ZDHHC24: variants seen among roughly 807,000 people sequenced by gnomAD.
ZDHHC24 encodes the protein probable palmitoyltransferase ZDHHC24.
Under a neutral mutation model 23.2 loss-of-function variants are expected in ZDHHC24, and 17 were observed. The observed-to-expected ratio is 0.73, with a 90% CI of 0.50 to 1.10. The LOEUF (loss-of-function observed/expected upper bound fraction) is 1.10. Ranked by LOEUF, ZDHHC24 falls within the 50% of genes least tolerant of loss-of-function variation. The pLI is 0.00. For missense variants in ZDHHC24, 366 were observed against 393.0 expected (o/e 0.93, Z 0.58); for synonymous variants, 186 against 194.5 (o/e 0.96, Z 0.36).
At chr11:66,522,220 AAAAAG>A (rs1413908742) in intron 4 of ZDHHC24, among the ~76,000 whole-genome samples, 1 of 152,128 alleles carries the variant, frequency 6.6e-6, no homozygotes, top group Non-Finnish European at 1.5e-5. Context: ...TGTCTCAAAA[AAAAAG>A]AAAAGGAAAC....
chr11:66,542,984 A>T (rs1254668404), intron 2 of ZDHHC24, among the ~76,000 whole-genome samples: 2 of 152,032 alleles, frequency 1.3e-5, no homozygotes, highest in Non-Finnish European at 2.9e-5. Context: ...CACAGTGACT[A>T]CCCGGAGTAG....
Position 66,536,334 on chromosome 11 carries a change from A to T in ZDHHC24, c.*3195T>A, listed in dbSNP as rs965589297. ...CACTTTGGGAGGCCAAGGTGGGCAGATCACCTGAGGTCAGCAGTTCAAGAC... is the reference window on the plus strand; with the variant it reads ...CACTTTGGGAGGCCAAGGTGGGCAGTTCACCTGAGGTCAGCAGTTCAAGAC... On this transcript the variant is annotated 3_prime_UTR_variant, in exon 3 of 3. Coordinates refer to ENST00000310442, the MANE Select transcript of ZDHHC24 (RefSeq NM_207340.3). The T allele has an allele frequency of 1.3e-5, 2 of 152,446 alleles. No homozygotes were observed. The highest frequency in any genetic ancestry group is 4.8e-5 in the African/African-American group (2 of 41,448). 9.4% of individuals were successfully genotyped at this position (152,446 alleles called of 1,614,324 possible).
rs1398027231 is a variant in ZDHHC24, at chr11:66,542,088, T to C, written c.559+1616A>G. ...GGGCAGTCAGCTGGGCTCGGGGAGT[T>C]GAGGACAGCACAATTTGGGATGTGC... On this transcript the variant is annotated intron_variant, in intron 2 of 2. Transcript: ENST00000310442. Among the ~76,000 whole-genome samples the C allele has an allele frequency of 4.6e-5, 7 of 151,922 alleles. No individual in the cohort carries two copies. In the South Asian group the frequency reaches 1.3e-3, roughly 27 times the overall value.
At chr11:66,521,904 CAAAA>C (rs1183524219) in intron 4 of ZDHHC24, among the ~76,000 whole-genome samples, 6 of 36,494 alleles carry the variant, frequency 1.6e-4, no homozygotes, top group South Asian at 1.1e-3. Context: ...GACTCCGTCT[CAAAA>C]AAAAAAAAAA....
At position 66,538,722 on chromosome 11, in the gene ZDHHC24, T is replaced by G. The variant is rs756895314; in HGVS notation, c.*807A>C. 3 of 152,264 alleles carry G rather than the reference T, an allele frequency of 2.0e-5. No homozygotes were observed. The highest frequency in any genetic ancestry group is 4.4e-5 in the Non-Finnish European group (3 of 68,058). 9.4% of individuals were successfully genotyped at this position (152,264 alleles called of 1,614,324 possible). A position where few individuals can be genotyped will look rare whatever the true frequency, so the allele number is the denominator to read the frequency against. On this transcript the variant is annotated 3_prime_UTR_variant, in exon 3 of 3. Transcript: ENST00000310442. ...AATGGCGGTCTCTATTCATTCTATT[T>G]ACACGGAAACATTTAACAAGCAGCT... is the stretch of plus-strand genomic sequence containing the variant.
chr11:66,522,965 A>G (rs1856307204), intron 4 of ZDHHC24: 1 of 359,630 alleles, frequency 2.8e-6, no homozygotes, highest in Admixed American at 3.8e-5. Flanking sequence ...TCAAAGTGGG[A>G]AAGACATTGG....
chr11:66,539,851 G>A (rs765922134), intron 2 of ZDHHC24, 27 bp from the exon 3 acceptor site: 2 of 1,548,600 alleles, frequency 1.3e-6, no homozygotes, highest in Admixed American at 1.9e-5. Flanking sequence ...GAGAGGGTCA[G>A]GGAGGGGCAG....
rs587777830 is a variant in ZDHHC24 at position 66,523,475 on chromosome 11, TA to T, written c.*22-2010del. 2.5e-6 allele frequency: 4 copies of T among 1,614,058 alleles called. No individual in the cohort carries two copies. Among genetic ancestry groups the T allele is most frequent in the Non-Finnish European group, 3.4e-6 (4 of 1,179,994 alleles). On this transcript the variant is annotated intron_variant, in intron 4 of 4. Coordinates refer to the ZDHHC24 transcript ENST00000526986. ...CCACAGAGACTCCAAGCACCCCAAGTACTGCATCGAGCTGAGCGCCCAGCCT... is the reference window on the plus strand; with the variant it reads ...CCACAGAGACTCCAAGCACCCCAAGTCTGCATCGAGCTGAGCGCCCAGCCT...
chr11:66,527,097 C>A, intron 3 of ZDHHC24: 1 of 1,389,866 alleles, frequency 7.2e-7, no homozygotes, highest in Non-Finnish European at 9.8e-7. Context: ...AGAATTTTGA[C>A]TGGGCATGGT....
In ZDHHC24 at chr11:66,545,700, GC is replaced by G; in HGVS notation, c.281+22del. On this transcript the variant is annotated intron_variant, in intron 1 of 2. Transcript: ENST00000310442. The surrounding 1 kb of genome is among the most constrained non-coding windows in gnomAD (Gnocchi z 4.5). Reference sequence around the variant, plus strand: ...CTGTCCAAGGCTCCCACTTCTCCCCGCCCGATCCCGCACCCCACTCACGCCC... The same window carrying G: ...CTGTCCAAGGCTCCCACTTCTCCCCGCCGATCCCGCACCCCACTCACGCCC... The G allele has an allele frequency of 6.7e-7, 1 of 1,488,228 alleles. No individual in the cohort carries two copies. Among genetic ancestry groups the G allele is most frequent in the Non-Finnish European group, 8.9e-7 (1 of 1,123,924 alleles). The allele number at this position is 1,488,228 out of a possible 1,614,324, so 92.2% of individuals were successfully genotyped here.
At chr11:66,539,999 C>A (rs1857103478) in intron 2 of ZDHHC24, among the ~76,000 whole-genome samples, 175 bp from the exon 3 acceptor site, 1 of 152,224 alleles carries the variant, frequency 6.6e-6, no homozygotes, top group African/African-American at 2.4e-5. Flanking sequence ...TGGGCAGACG[C>A]AGCCCCCTAC....
At chr11:66,521,556 AG>A (rs1340848028) in intron 4 of ZDHHC24, 1 of 657,156 alleles carries the variant, frequency 1.5e-6, no homozygotes, top group Non-Finnish European at 2.7e-6. Flanking sequence ...CTTGTGAGAT[AG>A]GGGCTGGCAC....
chr11:66,531,927 G>C (rs1590783636), downstream of ZDHHC24: 1 of 1,570,146 alleles, frequency 6.4e-7, no homozygotes. Flanking sequence ...TATGCCCCCT[G>C]CTGCCATGGC....
At chr11:66,528,103 G>A (rs934902982) in intron 3 of ZDHHC24, among the ~76,000 whole-genome samples, 3 of 152,202 alleles carry the variant, frequency 2.0e-5, no homozygotes, top group East Asian at 1.9e-4. Flanking sequence ...GGTGGCACAC[G>A]CCTGTAATCT....
At chr11:66,543,662 C>G in intron 2 of ZDHHC24, 42 bp downstream of exon 2, 1 of 1,519,110 alleles carries the variant, frequency 6.6e-7, no homozygotes, top group Non-Finnish European at 8.9e-7. Context: ...AGCCCAATAC[C>G]AGGGCCCCTG....
Position 66,539,705 on chromosome 11 carries a change from T to C in ZDHHC24, c.679A>G (p.Thr227Ala). 1.9e-6 allele frequency: 3 copies of C among 1,612,474 alleles called. No individual in the cohort carries two copies. Among genetic ancestry groups the C allele is most frequent in the Non-Finnish European group, 2.5e-6 (3 of 1,179,790 alleles). Residue 227 changes from threonine (T) to alanine (A), a missense_variant, in exon 3 of 3, where the codon ACA (threonine) becomes GCA (alanine). By Grantham distance (58) the Thr-to-Ala change is moderately conservative. Coordinates refer to ENST00000310442, the MANE Select transcript of ZDHHC24 (RefSeq NM_207340.3). ...TGCTGGCCCCGAGCCCACTCCCATG[T>C]GGTCTGGCCCCGCAGCAGCAGCATC... Reference protein sequence around the residue: ...HGMLLLRGQTTWEWARGQHSY... With the variant: ...HGMLLLRGQTAWEWARGQHSY...
rs374524852 is a variant in ZDHHC24, at chr11:66,543,788, G to A, written c.475C>T (p.Pro159Ser). The A allele has an allele frequency of 8.7e-6, 14 of 1,612,182 alleles. No individual in the cohort carries two copies. The highest frequency in any genetic ancestry group is 1.3e-5 in the African/African-American group (1 of 74,894). The change falls in exon 2 of 3, where the codon CCT becomes TCT. Residue 159 changes from proline (P) to serine (S), a missense_variant. By Grantham distance (74) the Pro-to-Ser change is moderately conservative. Transcript: ENST00000310442. The part of the protein sequence containing the change: ...VLLHVSVLLG[P>S]ALSALLRAHT... The stretch of plus-strand genomic sequence containing the variant: ...GCTCGCAGCAGGGCCGACAGTGCAG[G>A]GCCCAGCAGCACAGAGACGTGGAGC...
At chr11:66,534,896 C>T (rs1472085006), downstream of ZDHHC24, among the ~76,000 whole-genome samples, 1 of 151,644 alleles carries the variant, frequency 6.6e-6, no homozygotes, top group African/African-American at 2.4e-5. Flanking sequence ...AGCGTTTCAC[C>T]GTGTTAGCCA....
chr11:66,532,685 G>T, downstream of ZDHHC24: 1 of 153,208 alleles, frequency 6.5e-6, no homozygotes. Flanking sequence ...AGGGAGAAGG[G>T]GGTGCAGGAG....
Sources: allele counts gnomAD v4.1 joint callset (sites outside exome capture counted in the v4.1 genomes callset), GRCh38; gene constraint gnomAD v4.1.1; non-coding constraint Gnocchi (gnomAD v3.1); transcripts MANE v1.5; gene names NCBI Gene and HGNC (gene_info 2026-07-23, HGNC 2026-07-21).